NRG1: variants seen among roughly 807,000 people sequenced by gnomAD.
NRG1 encodes neuregulin 1, also known as pro-neuregulin-1, membrane-bound isoform.
NRG1 carries 18 observed loss-of-function variants against 63.8 expected under a neutral mutation model. The ratio of observed to expected loss-of-function variants is 0.28; its 90% CI spans 0.19 to 0.42. The LOEUF (loss-of-function observed/expected upper bound fraction) is 0.42, where lower values mean the gene tolerates loss of function less well. Among genes scored for constraint, NRG1 ranks in the 10% least tolerant of loss-of-function variants. The pLI is 1.00. For missense variants in NRG1, 762 were observed against 814.7 expected (o/e 0.94, Z 0.79); for synonymous variants, 302 against 301.3 (o/e 1.00, Z -0.02).
chr8:32,243,269 C>G (rs181141807), intron 1 of NRG1, among the ~76,000 whole-genome samples: 91 of 151,976 alleles, frequency 6.0e-4, no homozygotes, highest in African/African-American at 2.0e-3. Context: ...CAAAATAATA[C>G]AAAAATTAGC....
downstream of NRG1, among the ~76,000 whole-genome samples, chr8:32,772,653 G>T (rs1174973886): frequency 6.6e-6 from 1 of 152,130 alleles, no homozygotes; most frequent in Non-Finnish European, 1.5e-5. Context: ...GAAGTGAGTT[G>T]CTTCAACAGC....
chr8:32,396,601 A>G (rs1363894859), intron 1 of NRG1, among the ~76,000 whole-genome samples: 1 of 152,008 alleles, frequency 6.6e-6, no homozygotes, highest in Non-Finnish European at 1.5e-5. Flanking sequence ...GGTGCCAGCC[A>G]CCACACCCGG....
At chr8:32,272,528 A>G (rs1851653455) in intron 1 of NRG1, among the ~76,000 whole-genome samples, 1 of 152,184 alleles carries the variant, frequency 6.6e-6, no homozygotes, top group Non-Finnish European at 1.5e-5. Flanking sequence ...CAGTCTCAGA[A>G]AACAGGACAC....
At chr8:31,988,215 G>A (rs900072) in intron 1 of NRG1, among the ~76,000 whole-genome samples, 109,411 of 151,984 alleles carry the variant, frequency 0.72, 40,671 homozygotes, top group Non-Finnish European at 0.82. Flanking sequence ...AATGCTTTGC[G>A]TACAGGGTGT....
chr8:32,579,493 G>T lies in NRG1; in HGVS notation c.101-16335G>T, dbSNP rs555183473. Among the ~76,000 whole-genome samples the T allele has an allele frequency of 2.6e-5, 4 of 152,188 alleles. No homozygotes were observed. The South Asian group carries it at 8.3e-4, about 32-fold the overall frequency. The stretch of plus-strand genomic sequence containing the variant: ...AACTTCATTTCCTGAATTCCTCATG[G>T]TTTTCCACCTCCATTCCTCAGCTTC... On this transcript the variant is annotated intron_variant, in intron 1 of 11. Transcript: ENST00000356819.
At chr8:32,390,659 T>G (rs951878777) in intron 1 of NRG1, among the ~76,000 whole-genome samples, 2 of 151,404 alleles carry the variant, frequency 1.3e-5, no homozygotes, top group African/African-American at 4.9e-5. Context: ...CTGATATATT[T>G]AGGTTGAGAC....
intron 1 of NRG1, among the ~76,000 whole-genome samples, chr8:32,563,301 A>G (rs926377286): frequency 3.9e-5 from 6 of 152,238 alleles, no homozygotes; most frequent in African/African-American, 1.4e-4. Flanking sequence ...ATAGTCACAT[A>G]AAGTCTAGGC....
At chr8:32,332,085 A>G (rs1019585212) in intron 1 of NRG1, among the ~76,000 whole-genome samples, 1 of 152,106 alleles carries the variant, frequency 6.6e-6, no homozygotes, top group African/African-American at 2.4e-5. Context: ...CAGGAGTTTG[A>G]GACCAGCCTG....
At chr8:32,595,258 T>A (rs1159904624) in intron 1 of NRG1, among the ~76,000 whole-genome samples, 1 of 152,108 alleles carries the variant, frequency 6.6e-6, no homozygotes, top group African/African-American at 2.4e-5. Context: ...GGTGGGATCA[T>A]GGCTCACTGC....
At chr8:32,748,358 C>CACAGAGAGAGAGAG (rs748763782) in intron 7 of NRG1, among the ~76,000 whole-genome samples, 1,477 of 121,924 alleles carry the variant, frequency 0.012, 24 homozygotes, top group Non-Finnish European at 0.019. Flanking sequence ...CACACACACA[C>CACAGAGAGAGAGAG]AGAGAGAGAG....
In NRG1 at chr8:32,569,884, A is replaced by G. The variant is rs188008647; in HGVS notation, c.100+21058A>G. Among the ~76,000 whole-genome samples the G allele has an allele frequency of 2.5e-3, 380 of 150,796 alleles. 4 individuals are homozygous for G. The highest frequency in any genetic ancestry group is 8.8e-3 in the African/African-American group (361 of 41,186). The stretch of plus-strand genomic sequence containing the variant: ...ACAAGCCCTCTCAACAATTCTAGTT[A>G]ATTCTTTTTCTGATAGTTATCTTTT... On this transcript the variant is annotated intron_variant, in intron 1 of 11. Transcript: ENST00000356819.
At chr8:31,794,007 G>C (rs1182900257) in intron 1 of NRG1, among the ~76,000 whole-genome samples, 1 of 151,120 alleles carries the variant, frequency 6.6e-6, no homozygotes, top group Non-Finnish European at 1.5e-5. Flanking sequence ...TTTTCCCCAA[G>C]TGATCAGCTG....
intron 1 of NRG1, among the ~76,000 whole-genome samples, chr8:32,017,532 C>G (rs934012428): frequency 7.9e-5 from 12 of 152,272 alleles, no homozygotes; most frequent in African/African-American, 2.9e-4. Flanking sequence ...ACAAGACCAC[C>G]GTTCGCTTCA....
intron 1 of NRG1, among the ~76,000 whole-genome samples, chr8:32,470,030 ATTT>A (rs71208185): frequency 0.046 from 6,124 of 132,610 alleles, 361 homozygotes; most frequent in African/African-American, 0.16. Context: ...CGCCCAGCTA[ATTT>A]TTTTTTTTTT....
At chr8:32,076,548 G>A (rs1471391) in intron 1 of NRG1, among the ~76,000 whole-genome samples, 147,729 of 152,114 alleles carry the variant, frequency 0.97, 71,889 homozygotes, top group East Asian at 1. Context: ...CTGTGGAACA[G>A]CACACACTGG....
chr8:32,524,787 G>T (rs1008739799), intron 1 of NRG1, among the ~76,000 whole-genome samples: 7 of 152,074 alleles, frequency 4.6e-5, no homozygotes, highest in Non-Finnish European at 1.0e-4. Context: ...TGTCATCCCA[G>T]TCCACTCCCT....
At chr8:32,101,596 A>G (rs1830590497) in intron 1 of NRG1, among the ~76,000 whole-genome samples, 2 of 150,900 alleles carry the variant, frequency 1.3e-5, no homozygotes, top group African/African-American at 4.9e-5. Context: ...TGAGCTTTTC[A>G]GTTATTGATT....
chr8:31,890,385 C>T lies in NRG1; in HGVS notation c.37+250954C>T, dbSNP rs566786286. On this transcript the variant is annotated intron_variant, in intron 1 of 10. Coordinates refer to the NRG1 transcript ENST00000519301. ...CCACGGAATTTTAAAGTTTAATTAACAAAATTGTTGAAAAATTCAAGGAAA... is the reference window on the plus strand; with the variant it reads ...CCACGGAATTTTAAAGTTTAATTAATAAAATTGTTGAAAAATTCAAGGAAA... Among the ~76,000 whole-genome samples, 11 of 151,860 alleles carry T rather than the reference C, an allele frequency of 7.2e-5. No individual in the cohort carries two copies. In the East Asian group the frequency reaches 2.1e-3, roughly 29 times the overall value.
At chr8:31,923,362 A>G (rs922024497) in intron 1 of NRG1, among the ~76,000 whole-genome samples, 1 of 152,114 alleles carries the variant, frequency 6.6e-6, no homozygotes, top group Non-Finnish European at 1.5e-5. Context: ...CATATAAATG[A>G]GTGTATTTGT....
Sources: gnomAD v4.1 joint callset for allele counts (sites outside exome capture counted in the v4.1 genomes callset) on GRCh38, gnomAD v4.1.1 for gene constraint, MANE v1.5 for transcripts, NCBI Gene and HGNC (gene_info 2026-07-23, HGNC 2026-07-21) for gene names.